Variants in TENM2 observed in about 807,000 individuals in gnomAD.
TENM2 encodes the protein teneurin-2.
TENM2 carries 52 observed loss-of-function variants against 245.2 expected under a neutral mutation model. That is an observed-to-expected ratio of 0.21 (90% CI 0.17 to 0.27). The LOEUF is 0.27. TENM2 is among the 10% of genes least tolerant of loss of function. The pLI is 1.00. For missense variants in TENM2, 3,046 were observed against 3,666.8 expected (o/e 0.83, Z 4.37); for synonymous variants, 1,363 against 1,438.9 (o/e 0.95, Z 1.19).
chr5:168,215,063 A>C, exon 21 of TENM2: 1 of 1,613,822 alleles, frequency 6.2e-7, no homozygotes, highest in Non-Finnish European at 8.5e-7. Context: ...CACAAGTACT[A>C]CTTGGCAGTG....
the TENM2 span, among the ~76,000 whole-genome samples, chr5:167,233,068 A>C: frequency 6.6e-6 from 1 of 152,232 alleles, no homozygotes; most frequent in African/African-American, 2.4e-5. Context: ...GCATATGCTA[A>C]GTGCCAAATC....
At chr5:167,378,378 C>CT (rs34403067) in intron 2 of TENM2, among the ~76,000 whole-genome samples, 3,078 of 110,046 alleles carry the variant, frequency 0.028, 57 homozygotes, top group African/African-American at 0.05. Flanking sequence ...CTTTCTTCTT[C>CT]TTTTTTTTTT....
intron 2 of TENM2, among the ~76,000 whole-genome samples, chr5:167,563,558 C>T (rs762227891): frequency 6.6e-6 from 1 of 152,042 alleles, no homozygotes; most frequent in African/African-American, 2.4e-5. Context: ...ATATAGAACC[C>T]AATCTGTAGC....
intron 2 of TENM2, among the ~76,000 whole-genome samples, chr5:167,823,850 C>A (rs535285109): frequency 6.6e-6 from 1 of 152,222 alleles, no homozygotes; most frequent in African/African-American, 2.4e-5. Flanking sequence ...CTGGAAAAAG[C>A]CTGCAATGGG....
intron 1 of TENM2, among the ~76,000 whole-genome samples, chr5:167,348,936 T>G (rs17068346): frequency 0.015 from 2,238 of 152,334 alleles, 114 homozygotes; most frequent in Admixed American, 0.1. Context: ...CGTTGTTGTT[T>G]GCTGGTTTTT....
At chr5:168,117,471 C>A (rs1795165653) in intron 9 of TENM2, among the ~76,000 whole-genome samples, 1 of 152,046 alleles carries the variant, frequency 6.6e-6, no homozygotes. Context: ...ATATCTAGGA[C>A]AAAGGTTAAT....
At chr5:167,318,144 G>C (rs1756482279) in intron 1 of TENM2, among the ~76,000 whole-genome samples, 1 of 152,174 alleles carries the variant, frequency 6.6e-6, no homozygotes, top group South Asian at 2.1e-4. Context: ...TAGTTCTACA[G>C]TGTATATAAA....
intron 2 of TENM2, among the ~76,000 whole-genome samples, chr5:167,506,007 C>A (rs1769516876): frequency 6.6e-6 from 1 of 151,412 alleles, no homozygotes; most frequent in South Asian, 2.1e-4. Context: ...ATAGTGAGAC[C>A]CCATGTTTAA....
At chr5:167,017,071 T>A in the TENM2 span, among the ~76,000 whole-genome samples, 1 of 152,328 alleles carries the variant, frequency 6.6e-6, no homozygotes, top group Admixed American at 6.5e-5. Flanking sequence ...GAATCAGCTT[T>A]TCTCTTCCCT....
At chr5:167,816,242 CT>C (rs915948476) in intron 2 of TENM2, among the ~76,000 whole-genome samples, 3 of 152,084 alleles carry the variant, frequency 2.0e-5, no homozygotes, top group African/African-American at 7.2e-5. Flanking sequence ...ATTCTACTCC[CT>C]TCCTGTATTC....
chr5:168,230,098 T>C (rs939610890), intron 25 of TENM2, among the ~76,000 whole-genome samples: 14 of 152,240 alleles, frequency 9.2e-5, no homozygotes, highest in Admixed American at 5.9e-4. Flanking sequence ...TCTTTAATAA[T>C]GGTACTTGTG....
At chr5:167,534,696 C>G (rs1020246003) in intron 2 of TENM2, among the ~76,000 whole-genome samples, 1 of 151,978 alleles carries the variant, frequency 6.6e-6, no homozygotes, top group African/African-American at 2.4e-5. Flanking sequence ...ATTTGGTGTG[C>G]GGGATAGAGG....
chr5:167,117,648 A>G, the TENM2 span, among the ~76,000 whole-genome samples: 1 of 152,234 alleles, frequency 6.6e-6, no homozygotes, highest in Non-Finnish European at 1.5e-5. Flanking sequence ...GATCACAAAG[A>G]TGATAGACTC....
chr5:166,994,991 C>T, the TENM2 span, among the ~76,000 whole-genome samples: 1 of 152,110 alleles, frequency 6.6e-6, no homozygotes, highest in Non-Finnish European at 1.5e-5. Context: ...TGAGGTTTAT[C>T]AAAATAATAA....
chr5:167,708,019 A>G (rs1332305704), intron 2 of TENM2, among the ~76,000 whole-genome samples: 3 of 152,164 alleles, frequency 2.0e-5, no homozygotes, highest in Non-Finnish European at 4.4e-5. Context: ...AGCAGGGCTT[A>G]CCTCTTGCCT....
At chr5:167,838,109 A>G (rs966406419) in intron 2 of TENM2, among the ~76,000 whole-genome samples, 17 of 152,262 alleles carry the variant, frequency 1.1e-4, no homozygotes, top group African/African-American at 4.1e-4. Context: ...CAAGTTGGCA[A>G]CTTCTGACAT....
At chr5:168,072,157 A>G (rs1791067228) in intron 7 of TENM2, among the ~76,000 whole-genome samples, 1 of 152,234 alleles carries the variant, frequency 6.6e-6, no homozygotes, top group Non-Finnish European at 1.5e-5. Flanking sequence ...ACATTTGATA[A>G]ACCATTGCTA....
intron 2 of TENM2, among the ~76,000 whole-genome samples, chr5:167,525,569 G>A (rs1325786620): frequency 6.6e-6 from 1 of 152,104 alleles, no homozygotes; most frequent in African/African-American, 2.4e-5. Context: ...TTTCAACATG[G>A]TTGACTTCTC....
At chr5:167,696,289 A>C (rs1318280464) in intron 2 of TENM2, among the ~76,000 whole-genome samples, 1 of 152,222 alleles carries the variant, frequency 6.6e-6, no homozygotes, top group Non-Finnish European at 1.5e-5. Flanking sequence ...GATATTATAA[A>C]AATTTAAAAA....
Sources: gnomAD v4.1 joint callset for allele counts (sites outside exome capture counted in the v4.1 genomes callset) on GRCh38, gnomAD v4.1.1 for gene constraint, MANE v1.5 for transcripts, NCBI Gene and HGNC (gene_info 2026-07-23, HGNC 2026-07-21) for gene names.